LRRTM3: variants seen among roughly 807,000 people sequenced by gnomAD.
LRRTM3 encodes leucine rich repeat transmembrane neuronal 3.
A neutral mutation model predicts 44.7 loss-of-function variants in LRRTM3; 24 were observed. That is an observed-to-expected ratio of 0.54 (90% CI 0.39 to 0.76). LRRTM3 has a LOEUF of 0.76. Ranked by LOEUF, LRRTM3 falls within the 30% of genes least tolerant of loss-of-function variation. The probability of loss-of-function intolerance (pLI) is 0.00; values close to 1 mark genes in which losing one functional copy is unlikely to be tolerated. For missense variants in LRRTM3, 587 were observed against 702.2 expected, an observed-to-expected ratio of 0.84 and a Z score of 1.85; for synonymous variants, 277 against 278.7, an observed-to-expected ratio of 0.99 and a Z score of 0.06.
At chr10:67,078,372 G>C (rs1191702311) in intron 2 of LRRTM3, among the ~76,000 whole-genome samples, 1 of 152,120 alleles carries the variant, frequency 6.6e-6, no homozygotes, top group African/African-American at 2.4e-5. Context: ...GTGAATATTT[G>C]TTCTGTAAGG....
At chr10:66,974,169 G>A (rs555856226) in intron 2 of LRRTM3, among the ~76,000 whole-genome samples, 1 of 152,070 alleles carries the variant, frequency 6.6e-6, no homozygotes, top group South Asian at 2.1e-4. Context: ...TTTCGAGCTT[G>A]ATACGAATGA....
At chr10:66,955,883 G>A (rs1331079746) in intron 2 of LRRTM3, among the ~76,000 whole-genome samples, 4 of 152,068 alleles carry the variant, frequency 2.6e-5, no homozygotes, top group African/African-American at 4.8e-5. Flanking sequence ...GATCTGACTG[G>A]GGGGTATCTT....
intron 2 of LRRTM3, chr10:67,054,627 T>C (rs1475753060): frequency 6.6e-6 from 1 of 152,178 alleles, no homozygotes; most frequent in Non-Finnish European, 1.5e-5. Flanking sequence ...TTCAATATGA[T>C]GCAGTATTTC....
chr10:67,016,520 G>A (rs1270545139), intron 2 of LRRTM3, among the ~76,000 whole-genome samples: 8 of 152,180 alleles, frequency 5.3e-5, no homozygotes, highest in Non-Finnish European at 1.0e-4. Context: ...GTTGTTGGCA[G>A]AAAGTCCCTC....
intron 2 of LRRTM3, among the ~76,000 whole-genome samples, chr10:66,945,229 G>A (rs1041591359): frequency 7.2e-5 from 11 of 152,198 alleles, no homozygotes; most frequent in African/African-American, 2.7e-4. Flanking sequence ...GTTGTATAGT[G>A]TAACCACCTT....
intron 2 of LRRTM3, among the ~76,000 whole-genome samples, chr10:66,943,189 A>T (rs1185263294): frequency 6.6e-6 from 1 of 152,240 alleles, no homozygotes; most frequent in Non-Finnish European, 1.5e-5. Context: ...CTTTGAAAAG[A>T]GCAGAGACGA....
chr10:67,090,391 C>A (rs894456479), intron 2 of LRRTM3, among the ~76,000 whole-genome samples: 1 of 151,998 alleles, frequency 6.6e-6, no homozygotes, highest in Non-Finnish European at 1.5e-5. Flanking sequence ...TTAATGTTCA[C>A]ACTAATGGAA....
In LRRTM3 at chr10:66,927,456, C is replaced by T. The variant is rs1318425676; in HGVS notation, c.540C>T (p.Cys180=). 3 of 1,613,968 alleles carry T rather than the reference C, an allele frequency of 1.9e-6. No homozygotes were observed. The highest frequency in any genetic ancestry group is 2.5e-6 in the Non-Finnish European group (3 of 1,180,018). Residue 180 remains cysteine (C), a synonymous_variant, in exon 2 of 3, where the codon TGC becomes TGT. Transcript: ENST00000361320. The surrounding 1 kb of genome is among the most constrained non-coding windows in gnomAD (Gnocchi z 4.7). The part of the protein sequence containing the change: ...RTIPVRIFQD[C]RNLELLDLGY... The stretch of plus-strand genomic sequence containing the variant: ...TCCCTGTGCGAATATTCCAAGACTG[C>T]CGCAACCTGGAACTTTTGGACCTGG...
intron 2 of LRRTM3, among the ~76,000 whole-genome samples, chr10:66,967,763 T>A (rs190032218): frequency 6.6e-4 from 100 of 152,142 alleles, no homozygotes; most frequent in Non-Finnish European, 1.2e-3. Context: ...AGAAAAATAA[T>A]CTGTTTAGTA....
At chr10:67,053,067 A>G (rs1855210573) in intron 2 of LRRTM3, among the ~76,000 whole-genome samples, 1 of 152,248 alleles carries the variant, frequency 6.6e-6, no homozygotes, top group Non-Finnish European at 1.5e-5. Flanking sequence ...AGCTAGAGCT[A>G]TACCATCCCC....
chr10:66,985,227 A>G (rs1164721638), intron 2 of LRRTM3, among the ~76,000 whole-genome samples: 3 of 152,186 alleles, frequency 2.0e-5, no homozygotes, highest in African/African-American at 7.2e-5. Context: ...TATTTAGTAA[A>G]GGGGTGATTT....
chr10:67,029,935 G>A (rs1853619305), intron 2 of LRRTM3, among the ~76,000 whole-genome samples: 1 of 152,216 alleles, frequency 6.6e-6, no homozygotes, highest in South Asian at 2.1e-4. Flanking sequence ...GCTGGCCAAA[G>A]TTCTGTCAGA....
At chr10:67,071,247 TACA>T (rs892602803) in intron 2 of LRRTM3, among the ~76,000 whole-genome samples, 2 of 152,154 alleles carry the variant, frequency 1.3e-5, no homozygotes, top group African/African-American at 4.8e-5. Flanking sequence ...TTCTTCTACT[TACA>T]ACAATTCCCT....
chr10:67,097,601 G>A lies in LRRTM3; in HGVS notation c.1551G>A (p.Met517Ile). The A allele has an allele frequency of 6.2e-7, 1 of 1,612,110 alleles. No homozygotes were observed. The highest frequency in any genetic ancestry group is 8.5e-7 in the Non-Finnish European group (1 of 1,178,730). The change falls in exon 3 of 3, where the codon ATG becomes ATA. Residue 517 changes from methionine to isoleucine, a missense_variant. Met to Ile is a conservative substitution (Grantham distance 10, BLOSUM62 1). This residue lies in a region of LRRTM3 where 315 missense variants were observed against 335.6 expected (regional missense o/e 0.94). Transcript: ENST00000361320. ...GSRECEIPLS[M>I]NVSTFLAYDQ... ...TTTTTCCCCAGATACCTTTATCAAT[G>A]AATGTGTCAACCTTTCTGGCATACG...
At chr10:67,014,679 C>T (rs932203043) in intron 2 of LRRTM3, among the ~76,000 whole-genome samples, 1 of 151,854 alleles carries the variant, frequency 6.6e-6, no homozygotes, top group Non-Finnish European at 1.5e-5. Context: ...ACTATTCTTT[C>T]ATTGAGATGA....
At chr10:67,088,325 T>C (rs1175842892) in intron 2 of LRRTM3, among the ~76,000 whole-genome samples, 10 of 151,860 alleles carry the variant, frequency 6.6e-5, no homozygotes, top group African/African-American at 9.7e-5. Context: ...ATATTTCTCT[T>C]TGGTTTTGTA....
intron 2 of LRRTM3, among the ~76,000 whole-genome samples, chr10:67,053,477 T>A (rs1418321020): frequency 2.0e-5 from 3 of 152,214 alleles, no homozygotes; most frequent in African/African-American, 7.2e-5. Flanking sequence ...TTTGCCAGGC[T>A]GCCCATCAGT....
At chr10:66,988,775 CTACT>C (rs1202244135) in intron 2 of LRRTM3, among the ~76,000 whole-genome samples, 3 of 151,930 alleles carry the variant, frequency 2.0e-5, no homozygotes, top group Non-Finnish European at 4.4e-5. Context: ...AATTTTTTTC[CTACT>C]TATTCTCATT....
intron 2 of LRRTM3, among the ~76,000 whole-genome samples, chr10:66,978,960 C>T (rs57596372): frequency 2.6e-4 from 22 of 83,794 alleles, no homozygotes; most frequent in African/African-American, 9.9e-4. Context: ...TACTTATTTC[C>T]TTTTTTTTTT....
Sources: gnomAD v4.1 joint callset for allele counts (sites outside exome capture counted in the v4.1 genomes callset) on GRCh38, gnomAD v4.1.1 for gene constraint, gnomAD v4.1.1 regional missense constraint, Gnocchi (gnomAD v3.1) non-coding constraint, MANE v1.5 for transcripts, NCBI Gene and HGNC (gene_info 2026-07-23, HGNC 2026-07-21) for gene names.